The following NID2 variants were observed in gnomAD, a reference collection of about 807,000 sequenced individuals.
NID2 encodes the protein nidogen 2, also known as nidogen-2.
A neutral mutation model predicts 145.4 loss-of-function variants in NID2; 83 were observed. The observed-to-expected ratio is 0.57, with a 90% CI of 0.48 to 0.69. The LOEUF (loss-of-function observed/expected upper bound fraction) is 0.69, where lower values mean the gene tolerates loss of function less well. NID2 is among the 30% of genes least tolerant of loss of function. The probability of loss-of-function intolerance (pLI) is 0.00; values close to 1 mark genes in which losing one functional copy is unlikely to be tolerated. For synonymous variants in NID2, 739 were observed against 701.3 expected (o/e 1.05, Z -0.85); for missense variants, 1,807 against 1,765.7 (o/e 1.02, Z -0.42).
intron 5 of NID2, among the ~76,000 whole-genome samples, chr14:52,047,828 C>T (rs188830707): frequency 1.3e-5 from 2 of 152,294 alleles, no homozygotes; most frequent in African/African-American, 4.8e-5. Context: ...TAACAACTTA[C>T]ACCCTCAGCA....
chr14:52,065,475 C>A (rs11846759), intron 2 of NID2, among the ~76,000 whole-genome samples: 40,328 of 138,392 alleles, frequency 0.29, 7,218 homozygotes, highest in East Asian at 0.53. Flanking sequence ...TTTTTTTCCC[C>A]TTTCTTTTTT....
chr14:52,039,762 C>T (rs376109079), intron 8 of NID2, among the ~76,000 whole-genome samples: 1 of 152,178 alleles, frequency 6.6e-6, no homozygotes, highest in Non-Finnish European at 1.5e-5. Context: ...GCTTCGCACA[C>T]ATTGATCACA....
At chr14:52,019,316 A>C in intron 13 of NID2, 22 bp from the exon 14 acceptor site, 1 of 1,536,464 alleles carries the variant, frequency 6.5e-7, no homozygotes, top group Non-Finnish European at 8.8e-7. Flanking sequence ...AAGGCAGAGG[A>C]AGACACAAAA....
chr14:52,049,674 TAACA>T (rs1323105642), intron 5 of NID2, among the ~76,000 whole-genome samples: 2 of 149,660 alleles, frequency 1.3e-5, no homozygotes, highest in South Asian at 2.2e-4. Context: ...TCCAACTTTA[TAACA>T]AACAGTGGAA....
At chr14:52,027,042 T>C (rs1160659272) in intron 12 of NID2, among the ~76,000 whole-genome samples, 159 bp downstream of exon 12, 1 of 152,212 alleles carries the variant, frequency 6.6e-6, no homozygotes, top group African/African-American at 2.4e-5. Context: ...TTGGCTCCCC[T>C]TTCTAACTCA....
At chr14:52,006,406 G>A (rs1231400341) in intron 20 of NID2, 131 bp downstream of exon 20, 9 of 906,378 alleles carry the variant, frequency 9.9e-6, no homozygotes, top group Non-Finnish European at 1.5e-5. Flanking sequence ...ATCTGCCAAT[G>A]AGGAGGTGAT....
chr14:52,065,735 A>C (rs1893179679), intron 2 of NID2, among the ~76,000 whole-genome samples: 1 of 103,754 alleles, frequency 9.6e-6, no homozygotes, highest in Non-Finnish European at 1.8e-5. Flanking sequence ...ATTCCCACCT[A>C]TGAGTGAGAA....
intron 3 of NID2, among the ~76,000 whole-genome samples, chr14:52,058,445 G>A (rs191551952): frequency 5.9e-5 from 9 of 152,216 alleles, no homozygotes; most frequent in Non-Finnish European, 8.8e-5. Flanking sequence ...AGAAAAATAC[G>A]TGAGTCATTT....
At position 52,029,525 on chromosome 14, in the gene NID2, G is replaced by A. The variant is rs769648451; in HGVS notation, c.2401+22C>T. ...GGAAAAACAAGGGCTACAAGAAGGA[G>A]ACACGAGAACATGGCTCTTACCCAC... On this transcript the variant is annotated intron_variant, in intron 10 of 21. Transcript: ENST00000216286. 7.1e-5 allele frequency: 113 copies of A among 1,594,188 alleles called. 4 individuals carry two copies. In the South Asian group the frequency reaches 1.2e-3, roughly 17 times the overall value.
intron 17 of NID2, 61 bp downstream of exon 17, chr14:52,011,493 A>G (rs1891018441): frequency 6.2e-7 from 1 of 1,607,244 alleles, no homozygotes; most frequent in African/African-American, 1.3e-5. Context: ...CTTCGGCGTA[A>G]AGTAGACAAG....
Position 52,005,817 on chromosome 14 carries a change from C to T in NID2, c.4037G>A (p.Gly1346Asp), listed in dbSNP as rs758367436. Residue 1346 changes from glycine to aspartate, a missense_variant, in exon 21 of 22, where the codon GGC becomes GAC. Coordinates refer to ENST00000216286, the MANE Select transcript of NID2 (RefSeq NM_007361.4). ...DGVVSVNKHS[G>D]QFTDEYLPEQ... ...TGGGAGATACTCATCAGTAAACTGG[C>T]CACTATGTTTATTTACTGATACAAC... 2 of 1,613,526 alleles carry T rather than the reference C, an allele frequency of 1.2e-6. No individual in the cohort carries two copies. The highest frequency in any genetic ancestry group is 1.7e-6 in the Non-Finnish European group (2 of 1,179,528).
At chr14:52,031,864 T>C (rs990677913) in intron 9 of NID2, among the ~76,000 whole-genome samples, 3 of 152,240 alleles carry the variant, frequency 2.0e-5, no homozygotes, top group Non-Finnish European at 2.9e-5. Context: ...TTGTTCTCCA[T>C]TGTAACAGAT....
At chr14:52,030,551 A>C (rs1891787716) in intron 9 of NID2, among the ~76,000 whole-genome samples, 1 of 64,998 alleles carries the variant, frequency 1.5e-5, no homozygotes, top group African/African-American at 5.2e-5. Flanking sequence ...AAAGAAAGAA[A>C]GAAAGAAAGA....
At chr14:52,067,776 C>A in intron 2 of NID2, 82 bp downstream of exon 2, 1 of 1,507,530 alleles carries the variant, frequency 6.6e-7, no homozygotes, top group Non-Finnish European at 9.2e-7. Context: ...GAAACAACTC[C>A]GAGCCAGTCC....
intron 14 of NID2, 86 bp from the exon 15 acceptor site, chr14:52,015,361 C>CAGGAGGCCAGGCA: frequency 3.2e-6 from 4 of 1,244,122 alleles, no homozygotes; most frequent in Non-Finnish European, 4.5e-6. Context: ...GACCCCATGC[C>CAGGAGGCCAGGCA]TGGCCTCCTG....
chr14:52,038,715 T>C, intron 9 of NID2, 32 bp downstream of exon 9: 2 of 1,504,120 alleles, frequency 1.3e-6, no homozygotes, highest in Middle Eastern at 1.8e-4. Flanking sequence ...AAGGATGTCA[T>C]TTTTACCCAA....
Position 52,005,385 on chromosome 14 carries a change from A to C in NID2, c.*101T>G. On this transcript the variant is annotated 3_prime_UTR_variant, in exon 22 of 22. Coordinates refer to ENST00000216286, the MANE Select transcript of NID2 (RefSeq NM_007361.4). ...TCATCTTGGATGCTCAGGAACGTCTAATGGCCAATTCCTTTTTTACTTTCT... is the reference window on the plus strand; with the variant it reads ...TCATCTTGGATGCTCAGGAACGTCTCATGGCCAATTCCTTTTTTACTTTCT... 8.5e-7 allele frequency: 1 copy of C among 1,174,206 alleles called. No homozygotes were observed. The highest frequency in any genetic ancestry group is 1.2e-6 in the Non-Finnish European group (1 of 857,134). 72.7% of individuals were successfully genotyped at this position (1,174,206 alleles called of 1,614,324 possible).
At chr14:52,053,983 G>T in intron 4 of NID2, 37 bp downstream of exon 4, 1 of 1,611,248 alleles carries the variant, frequency 6.2e-7, no homozygotes. Context: ...TGGATGCAAG[G>T]GGGAGGACAG....
At chr14:52,038,553 G>A (rs536725584) in intron 9 of NID2, among the ~76,000 whole-genome samples, 194 bp downstream of exon 9, 13 of 152,162 alleles carry the variant, frequency 8.5e-5, no homozygotes, top group South Asian at 2.1e-4. Flanking sequence ...ACTTTGGCAG[G>A]GACACTGTTC....
Sources: gnomAD v4.1 joint callset for allele counts (sites outside exome capture counted in the v4.1 genomes callset) on GRCh38, gnomAD v4.1.1 for gene constraint, MANE v1.5 for transcripts, NCBI Gene and HGNC (gene_info 2026-07-23, HGNC 2026-07-21) for gene names.